Variants in DOCK2 observed in about 807,000 individuals in gnomAD.
DOCK2 encodes dedicator of cytokinesis 2, also known as dedicator of cytokinesis protein 2.
Under a neutral mutation model 248.9 loss-of-function variants are expected in DOCK2, and 87 were observed. The ratio of observed to expected loss-of-function variants is 0.35; its 90% CI spans 0.29 to 0.42. The LOEUF (loss-of-function observed/expected upper bound fraction) is 0.42. DOCK2 is among the 10% of genes least tolerant of loss of function. The pLI, the probability that DOCK2 is intolerant of heterozygous loss-of-function variation, is 1.00. For missense variants in DOCK2, 1,747 were observed against 2,300.2 expected (o/e 0.76, Z 4.92); for synonymous variants, 805 against 821.6 (o/e 0.98, Z 0.35).
intron 27 of DOCK2, chr5:169,864,246 GGGGGC>G (rs1561774757): frequency 1.9e-6 from 3 of 1,544,174 alleles, no homozygotes; most frequent in South Asian, 1.2e-5. Context: ...CGTGGAGTTG[GGGGGC>G]TGGGGGATGG....
At chr5:169,900,641 AG>A (rs1422080964) in intron 27 of DOCK2, among the ~76,000 whole-genome samples, 2 of 152,224 alleles carry the variant, frequency 1.3e-5, no homozygotes, top group Non-Finnish European at 2.9e-5. Flanking sequence ...ACTTCTAATT[AG>A]AAGCTTCGAT....
intron 27 of DOCK2, among the ~76,000 whole-genome samples, chr5:169,856,016 G>A (rs112653626): frequency 0.014 from 2,099 of 152,228 alleles, 22 homozygotes; most frequent in Middle Eastern, 0.055. Context: ...AGTGAGGAGC[G>A]AAGGGGGAAG....
intron 1 of DOCK2, among the ~76,000 whole-genome samples, chr5:169,651,011 C>T (rs1202365913): frequency 6.6e-6 from 1 of 152,168 alleles, no homozygotes; most frequent in East Asian, 1.9e-4. Context: ...ATGATTTCTT[C>T]CTCTTGTTTT....
intron 24 of DOCK2, among the ~76,000 whole-genome samples, chr5:169,760,024 T>TA (rs764124187): frequency 2.6e-5 from 4 of 152,078 alleles, no homozygotes; most frequent in Non-Finnish European, 4.4e-5. Context: ...TCATATAGGT[T>TA]AAAAAAAATT....
At chr5:170,058,870 T>C (rs1561902433) in intron 44 of DOCK2, among the ~76,000 whole-genome samples, 1 of 152,210 alleles carries the variant, frequency 6.6e-6, no homozygotes. Context: ...TCAGTAGCCC[T>C]TCAGCCTCCT....
At chr5:169,778,106 T>C (rs559363305) in intron 25 of DOCK2, among the ~76,000 whole-genome samples, 134 of 152,334 alleles carry the variant, frequency 8.8e-4, no homozygotes, top group Middle Eastern at 3.4e-3. Context: ...CTGCCACAAG[T>C]GCTCCTGGAT....
At chr5:170,008,790 A>G in intron 32 of DOCK2, 44 bp downstream of exon 32, 1 of 1,611,468 alleles carries the variant, frequency 6.2e-7, no homozygotes, top group Non-Finnish European at 8.5e-7. Context: ...TGCAGGCACC[A>G]AACTCCTTCT....
chr5:169,824,434 A>G (rs1423069084), intron 26 of DOCK2, among the ~76,000 whole-genome samples: 3 of 152,242 alleles, frequency 2.0e-5, no homozygotes, highest in Non-Finnish European at 2.9e-5. Flanking sequence ...GATATAGACC[A>G]ATAGAACAGA....
chr5:169,950,023 G>C (rs986720759), intron 27 of DOCK2, among the ~76,000 whole-genome samples: 19 of 152,282 alleles, frequency 1.2e-4, no homozygotes, highest in African/African-American at 4.6e-4. Context: ...CGTTTGAGGG[G>C]ATCACAGATG....
intron 25 of DOCK2, among the ~76,000 whole-genome samples, chr5:169,773,621 G>T (rs1333122371): frequency 6.6e-6 from 1 of 152,014 alleles, no homozygotes; most frequent in Non-Finnish European, 1.5e-5. Flanking sequence ...TCTTTATAAG[G>T]TTATGCATTT....
intron 27 of DOCK2, among the ~76,000 whole-genome samples, chr5:169,920,761 C>T (rs564243942): frequency 6.6e-6 from 1 of 152,300 alleles, no homozygotes; most frequent in South Asian, 2.1e-4. Context: ...CTTGGCCCTT[C>T]CTTTGGGCTT....
chr5:170,002,524 A>G (rs1248378176), intron 30 of DOCK2, among the ~76,000 whole-genome samples: 1 of 152,216 alleles, frequency 6.6e-6, no homozygotes. Context: ...ACTTGGATCC[A>G]AGGTAGGATG....
At chr5:169,734,526 T>C (rs1041736908) in intron 22 of DOCK2, among the ~76,000 whole-genome samples, 1 of 152,216 alleles carries the variant, frequency 6.6e-6, no homozygotes, top group Admixed American at 6.5e-5. Flanking sequence ...CAGAGTTTCC[T>C]TCTTTCATTC....
intron 27 of DOCK2, among the ~76,000 whole-genome samples, chr5:169,979,897 A>G (rs1282971165): frequency 6.6e-6 from 1 of 152,228 alleles, no homozygotes; most frequent in Non-Finnish European, 1.5e-5. Context: ...GATGGGGACT[A>G]GAATCCCCCT....
chr5:169,775,011 C>T (rs527777301), intron 25 of DOCK2, among the ~76,000 whole-genome samples: 2 of 152,178 alleles, frequency 1.3e-5, no homozygotes, highest in African/African-American at 2.4e-5. Context: ...CAGGTTCAAG[C>T]GATTCTCTTG....
chr5:169,780,295 A>ATGTGTGTGTG (rs3138738), intron 25 of DOCK2, among the ~76,000 whole-genome samples: 16 of 137,692 alleles, frequency 1.2e-4, no homozygotes, highest in East Asian at 4.4e-4. Context: ...AACCCAATAA[A>ATGTGTGTGTG]TGTGTGTGTG....
intron 2 of DOCK2, among the ~76,000 whole-genome samples, chr5:169,661,895 G>A (rs939466561): frequency 1.3e-5 from 2 of 152,136 alleles, no homozygotes; most frequent in Admixed American, 1.3e-4. Context: ...CCGTATCTTG[G>A]CTATTGTGAA....
In DOCK2 at chr5:169,978,388, TGTGTG is replaced by T. The variant is rs1369881168; in HGVS notation, c.2800-4678_2800-4674del. ...CTGGCTCTGTGTATGTGTGTGTGTGTGTGTGGGGGGGGGGGGGTGTAGGTGTGTTT... is the reference window on the plus strand; with the variant it reads ...CTGGCTCTGTGTATGTGTGTGTGTGTGGGGGGGGGGGGTGTAGGTGTGTTT... On this transcript the variant is annotated intron_variant, in intron 27 of 51. Transcript: ENST00000520908. Among the ~76,000 whole-genome samples, 95 of 15,588 alleles carry T rather than the reference TGTGTG, an allele frequency of 6.1e-3. 3 individuals are homozygous for T. Among genetic ancestry groups the T allele is most frequent in the African/African-American group, 0.013 (59 of 4,568 alleles). The allele number at this position is 15,588 out of a possible 152,430, so 10.2% of individuals were successfully genotyped here.
At chr5:169,811,638 A>G (rs532814650) in intron 26 of DOCK2, among the ~76,000 whole-genome samples, 3 of 152,198 alleles carry the variant, frequency 2.0e-5, no homozygotes, top group Admixed American at 6.5e-5. Flanking sequence ...GGATGACTGT[A>G]TACCACACAC....
Sources: gnomAD v4.1 joint callset for allele counts (sites outside exome capture counted in the v4.1 genomes callset) on GRCh38, gnomAD v4.1.1 for gene constraint, MANE v1.5 for transcripts, NCBI Gene and HGNC (gene_info 2026-07-23, HGNC 2026-07-21) for gene names.